Variants in RBM25 observed in about 807,000 individuals in gnomAD.
The protein encoded by RBM25 is RNA binding motif protein 25.
A neutral mutation model predicts 120.7 loss-of-function variants in RBM25; 19 were observed. The observed-to-expected ratio is 0.16, with a 90% CI of 0.11 to 0.23. The LOEUF (loss-of-function observed/expected upper bound fraction) is 0.23, where lower values mean the gene tolerates loss of function less well. Among genes scored for constraint, RBM25 ranks in the 10% least tolerant of loss-of-function variants. The probability of loss-of-function intolerance (pLI) is 1.00; values close to 1 mark genes in which losing one functional copy is unlikely to be tolerated. For synonymous variants in RBM25, 390 were observed against 326.7 expected (o/e 1.19, Z -2.09); for missense variants, 605 against 1,041.5 (o/e 0.58, Z 5.77).
At chr14:73,074,505 A>G (rs1216392438) in intron 2 of RBM25, among the ~76,000 whole-genome samples, 1 of 152,078 alleles carries the variant, frequency 6.6e-6, no homozygotes, top group Non-Finnish European at 1.5e-5. Flanking sequence ...GGCTGAGGGC[A>G]GGAGGATTTC....
rs1320727858 is a variant in RBM25, at chr14:73,099,423, T to C, written c.773T>C (p.Leu258Pro). 1 of 1,608,398 alleles carries C rather than the reference T, an allele frequency of 6.2e-7. No individual in the cohort carries two copies. Among genetic ancestry groups the C allele is most frequent in the Non-Finnish European group, 8.5e-7 (1 of 1,178,644 alleles). The stretch of plus-strand genomic sequence containing the variant: ...GTGGCCCCACTGATCCCTTATCCAC[T>C]CATCACTAAGGTTAGTTTAAATTGT... ...FPVAPLIPYPLITKEDINAIE... is the reference protein window; with the variant it reads ...FPVAPLIPYPPITKEDINAIE... Residue 258 changes from leucine (L) to proline (P), a missense_variant, in exon 8 of 19, where the codon CTC becomes CCC. Leu to Pro is a moderately conservative substitution (Grantham distance 98). Around this residue, in one of 4 missense-constraint regions of RBM25, gnomAD observed 465 missense variants for 741.6 expected, o/e 0.63. Transcript: ENST00000261973.
At chr14:73,103,534 G>GGAGGCAGGAAAA in intron 10 of RBM25, 56 bp downstream of exon 10, 1 of 1,517,510 alleles carries the variant, frequency 6.6e-7, no homozygotes, top group Non-Finnish European at 8.8e-7. Context: ...CTATCGGGTA[G>GGAGGCAGGAAAA]TCCTCCAGAG....
chr14:73,063,403 C>T (rs1407464475), intron 1 of RBM25, among the ~76,000 whole-genome samples: 2 of 151,322 alleles, frequency 1.3e-5, no homozygotes, highest in Non-Finnish European at 3.0e-5. Context: ...CCCACCTCGG[C>T]CTCCCAAAGT....
chr14:73,095,465 G>A (rs1895921850), intron 6 of RBM25, among the ~76,000 whole-genome samples: 1 of 151,938 alleles, frequency 6.6e-6, no homozygotes, highest in Non-Finnish European at 1.5e-5. Context: ...AATTAGTCGG[G>A]TGTGGTGGCG....
chr14:73,081,144 T>A (rs925733229), intron 4 of RBM25, among the ~76,000 whole-genome samples: 2 of 151,506 alleles, frequency 1.3e-5, no homozygotes, highest in African/African-American at 4.9e-5. Flanking sequence ...TTTAATTTTT[T>A]ATTTTTTATC....
At chr14:73,065,704 C>T (rs1895114991) in intron 1 of RBM25, among the ~76,000 whole-genome samples, 1 of 151,984 alleles carries the variant, frequency 6.6e-6, no homozygotes, top group Non-Finnish European at 1.5e-5. Flanking sequence ...AGGCATGAGC[C>T]ACCTCACCCA....
chr14:73,118,112 CTG>C (rs1250030712), intron 18 of RBM25, among the ~76,000 whole-genome samples: 1 of 152,224 alleles, frequency 6.6e-6, no homozygotes, highest in Non-Finnish European at 1.5e-5. Context: ...ATTCTGGACA[CTG>C]TACTAAATAC....
rs535441069 is a variant in RBM25 at position 73,066,157 on chromosome 14, C to T, written c.-15-5470C>T. ...AGCTTCTGTAAGTAGGACAGTAGCC[C>T]TTTCTGTTTTAAAAAGAGATACCAC... On this transcript the variant is annotated intron_variant, in intron 1 of 18. Transcript: ENST00000261973. Among the ~76,000 whole-genome samples the T allele has an allele frequency of 5.9e-5, 9 of 152,164 alleles. No individual in the cohort carries two copies. The South Asian group carries it at 1.9e-3, about 32-fold the overall frequency.
chr14:73,101,564 A>G (rs1418568961), intron 9 of RBM25: 1 of 151,340 alleles, frequency 6.6e-6, no homozygotes, highest in African/African-American at 2.4e-5. Context: ...AACATTTAGT[A>G]TGGACTAGAT....
At chr14:73,110,127 C>T (rs777298037) in intron 14 of RBM25, among the ~76,000 whole-genome samples, 8 of 150,992 alleles carry the variant, frequency 5.3e-5, no homozygotes, top group African/African-American at 1.5e-4. Flanking sequence ...TCAAGTGATC[C>T]GCCCATCTTG....
intron 2 of RBM25, among the ~76,000 whole-genome samples, chr14:73,073,271 A>G (rs1895336840): frequency 6.6e-6 from 1 of 151,982 alleles, no homozygotes; most frequent in Non-Finnish European, 1.5e-5. Flanking sequence ...AAAATTTTTA[A>G]TTTACTGCCA....
chr14:73,081,983 C>T (rs1054817360), intron 4 of RBM25, among the ~76,000 whole-genome samples: 2 of 151,978 alleles, frequency 1.3e-5, no homozygotes, highest in Non-Finnish European at 2.9e-5. Flanking sequence ...CTTGGTGGGC[C>T]ATTTCGTTCT....
intron 4 of RBM25, 52 bp downstream of exon 4, chr14:73,077,588 T>A (rs1895452358): frequency 6.9e-7 from 1 of 1,444,434 alleles, no homozygotes; most frequent in African/African-American, 1.4e-5. Context: ...ATTCTACATT[T>A]CAAACTTAAG....
chr14:73,097,584 C>G (rs1286924274), intron 7 of RBM25, among the ~76,000 whole-genome samples: 2 of 152,166 alleles, frequency 1.3e-5, no homozygotes, highest in Admixed American at 6.5e-5. Flanking sequence ...ATCCTCCTGC[C>G]TCCGCTTCCT....
chr14:73,118,632 A>G (rs1174631570), intron 18 of RBM25, among the ~76,000 whole-genome samples: 4 of 152,194 alleles, frequency 2.6e-5, no homozygotes, highest in Non-Finnish European at 4.4e-5. Context: ...TTTGTCAGAC[A>G]TGTATAATTG....
At chr14:73,095,105 TG>T (rs993800190) in intron 6 of RBM25, among the ~76,000 whole-genome samples, 10 of 151,870 alleles carry the variant, frequency 6.6e-5, no homozygotes, top group African/African-American at 2.2e-4. Context: ...CTGCCCACCT[TG>T]GCCTCCCAAA....
At position 73,110,441 on chromosome 14, in the gene RBM25, C is replaced by CT. The variant is rs1420293418; in HGVS notation, c.1693-381dup. Among the ~76,000 whole-genome samples, 195 of 144,062 alleles carry CT rather than the reference C, an allele frequency of 1.4e-3. 1 individual carries two copies. Among genetic ancestry groups the CT allele is most frequent in the Middle Eastern group, 3.5e-3 (1 of 282 alleles). The allele number at this position is 144,062 out of a possible 152,430, so 94.5% of individuals were successfully genotyped here. On this transcript the variant is annotated intron_variant, in intron 14 of 18. Transcript: ENST00000261973. ...TCCTTTTTTTTTTCTTTTTCTTTTT[C>CT]TTTTTTTTTGAGATGGAGTCTTGCT...
chr14:73,101,538 T>C (rs1336748074), intron 9 of RBM25: 3 of 150,604 alleles, frequency 2.0e-5, no homozygotes, highest in Admixed American at 6.6e-5. Flanking sequence ...ATATATCTCA[T>C]ATATAAACTT....
chr14:73,120,847 A>G lies in RBM25; in HGVS notation c.*1042A>G, dbSNP rs1344699350. On this transcript the variant is annotated 3_prime_UTR_variant, in exon 19 of 19. Transcript: ENST00000261973. Reference sequence around the variant, plus strand: ...AAACATGATAGGTATTCTGCTCGGCAATTTGTAAGTTTACATGTTATTTAA... The same window carrying G: ...AAACATGATAGGTATTCTGCTCGGCGATTTGTAAGTTTACATGTTATTTAA... 6.6e-6 allele frequency: 1 copy of G among 152,192 alleles called. No individual in the cohort carries two copies. 9.4% of individuals were successfully genotyped at this position (152,192 alleles called of 1,614,324 possible).
Sources: gnomAD v4.1 joint callset for allele counts (sites outside exome capture counted in the v4.1 genomes callset) on GRCh38, gnomAD v4.1.1 for gene constraint, gnomAD v4.1.1 regional missense constraint, MANE v1.5 for transcripts, NCBI Gene and HGNC (gene_info 2026-07-23, HGNC 2026-07-21) for gene names.